KCNIP1: variants seen among roughly 807,000 people sequenced by gnomAD.
The protein encoded by KCNIP1 is A-type potassium channel modulatory protein KCNIP1.
A neutral mutation model predicts 33.0 loss-of-function variants in KCNIP1; 18 were observed. That is an observed-to-expected ratio of 0.55 (90% CI 0.38 to 0.81). KCNIP1 has a LOEUF of 0.81. KCNIP1 is among the 30% of genes least tolerant of loss of function. The pLI is 0.00. For missense variants in KCNIP1, 238 were observed against 271.6 expected (o/e 0.88, Z 0.87); for synonymous variants, 93 against 98.3 (o/e 0.95, Z 0.32).
At chr5:170,512,850 C>T (rs1754987837) in intron 1 of KCNIP1, among the ~76,000 whole-genome samples, 1 of 152,088 alleles carries the variant, frequency 6.6e-6, no homozygotes, top group African/African-American at 2.4e-5. Context: ...GAGATAGAGA[C>T]CATCCCGGCT....
chr5:170,608,885 G>A (rs907668316), intron 1 of KCNIP1, among the ~76,000 whole-genome samples: 1 of 152,176 alleles, frequency 6.6e-6, no homozygotes, highest in Non-Finnish European at 1.5e-5. Context: ...GCTAGAGGAA[G>A]AGTTAAAAGT....
Position 170,418,552 on chromosome 5 carries a change from A to C in KCNIP1, c.88+64588A>C, listed in dbSNP as rs568540462. 1.2e-4 allele frequency among the ~76,000 whole-genome samples: 19 copies of C among 152,230 alleles called. No homozygotes were observed. In the Middle Eastern group the frequency reaches 0.014, roughly 109 times the overall value. ...GTCTGTTATGTGTGACTTCTGGGTA[A>C]AGGTTCTTAAAATACAATTCAGATC... is the stretch of plus-strand genomic sequence containing the variant. On this transcript the variant is annotated intron_variant, in intron 1 of 7. Transcript: ENST00000377360.
intron 5 of KCNIP1, among the ~76,000 whole-genome samples, chr5:170,727,521 A>AAAACTTGGTG (rs1331946002): frequency 3.9e-5 from 6 of 152,260 alleles, no homozygotes; most frequent in African/African-American, 1.4e-4. Context: ...TGCCTAACCA[A>AAAACTTGGTG]TAGAAGACAC....
Position 170,353,947 on chromosome 5 carries a change from C to G in KCNIP1, c.71C>G (p.Thr24Ser), listed in dbSNP as rs1189495892. The G allele has an allele frequency of 3.1e-6, 5 of 1,614,070 alleles. No individual in the cohort carries two copies. The African/African-American group carries it at 5.3e-5, about 17-fold the overall frequency. ...GCCCAGACCATCTTTAAGCTCATCA[C>G]TGGGACCCTCAGCAAAGGTATGGAA... The change falls in exon 1 of 8, where the codon ACT becomes AGT. Residue 24 changes from threonine to serine, a missense_variant. Coordinates refer to the KCNIP1 transcript ENST00000377360.
At chr5:170,604,560 C>T (rs1003560583) in intron 1 of KCNIP1, among the ~76,000 whole-genome samples, 1 of 152,160 alleles carries the variant, frequency 6.6e-6, no homozygotes, top group Non-Finnish European at 1.5e-5. Context: ...AATGGCGAGG[C>T]TTTGTATGCA....
intron 1 of KCNIP1, among the ~76,000 whole-genome samples, chr5:170,529,306 T>C (rs762859196): frequency 2.0e-5 from 3 of 152,176 alleles, no homozygotes; most frequent in Non-Finnish European, 4.4e-5. Context: ...CAGCAACCTC[T>C]GTGGGAAAGA....
chr5:170,624,881 TTC>T (rs1205330176), intron 1 of KCNIP1, among the ~76,000 whole-genome samples: 1 of 152,156 alleles, frequency 6.6e-6, no homozygotes, highest in East Asian at 1.9e-4. Flanking sequence ...AGGCAGGGTC[TTC>T]TGTCTTAGCT....
At chr5:170,506,298 GT>G (rs1202301369) in intron 1 of KCNIP1, among the ~76,000 whole-genome samples, 1 of 152,130 alleles carries the variant, frequency 6.6e-6, no homozygotes, top group Non-Finnish European at 1.5e-5. Context: ...CTAAGCCTCA[GT>G]TTTTCATCCA....
intron 1 of KCNIP1, among the ~76,000 whole-genome samples, chr5:170,539,482 G>A (rs1756116927): frequency 6.6e-6 from 1 of 152,064 alleles, no homozygotes; most frequent in African/African-American, 2.4e-5. Context: ...CAATTTTTGG[G>A]CATCCGGATC....
At chr5:170,720,887 T>A (rs1763796881) in intron 3 of KCNIP1, among the ~76,000 whole-genome samples, 1 of 152,180 alleles carries the variant, frequency 6.6e-6, no homozygotes. Flanking sequence ...AAAAATAAAC[T>A]AATTGAAAAA....
chr5:170,406,397 T>A (rs1561609938), intron 1 of KCNIP1, among the ~76,000 whole-genome samples: 1 of 152,168 alleles, frequency 6.6e-6, no homozygotes. Flanking sequence ...CCATTATTGG[T>A]CGTGTAAATG....
chr5:170,390,517 AATAT>A (rs1554088940), intron 1 of KCNIP1, among the ~76,000 whole-genome samples: 19 of 74,524 alleles, frequency 2.5e-4, no homozygotes, highest in African/African-American at 7.7e-4. Context: ...AAAAAAAACA[AATAT>A]ATATATATAT....
chr5:170,673,566 T>C (rs1397695576), intron 1 of KCNIP1, among the ~76,000 whole-genome samples: 1 of 152,238 alleles, frequency 6.6e-6, no homozygotes, highest in Admixed American at 6.5e-5. Flanking sequence ...CTGTTCTAGC[T>C]GGTTTCAAAG....
chr5:170,409,537 C>G (rs974026703), intron 1 of KCNIP1, among the ~76,000 whole-genome samples: 2 of 152,184 alleles, frequency 1.3e-5, no homozygotes, highest in Non-Finnish European at 2.9e-5. Flanking sequence ...AGTAGTGACA[C>G]GCACAGGCTC....
intron 1 of KCNIP1, among the ~76,000 whole-genome samples, chr5:170,639,897 A>G (rs1760471067): frequency 6.6e-6 from 1 of 152,242 alleles, no homozygotes; most frequent in African/African-American, 2.4e-5. Flanking sequence ...TTTCACACAT[A>G]AAAGAAGGCA....
At chr5:170,424,190 G>A (rs1420837401) in intron 1 of KCNIP1, among the ~76,000 whole-genome samples, 5 of 152,176 alleles carry the variant, frequency 3.3e-5, no homozygotes, top group Admixed American at 2.0e-4. Flanking sequence ...ACCCAAGTGC[G>A]GGGTAGCAGG....
intron 1 of KCNIP1, among the ~76,000 whole-genome samples, chr5:170,663,921 C>T (rs1760083238): frequency 2.3e-5 from 2 of 85,614 alleles, no homozygotes; most frequent in Admixed American, 2.1e-4. Flanking sequence ...TTTCTATACT[C>T]TCCTCAATCC....
chr5:170,576,144 T>C (rs1483682389), intron 1 of KCNIP1, among the ~76,000 whole-genome samples: 5 of 152,210 alleles, frequency 3.3e-5, no homozygotes. Flanking sequence ...AGATGGCTTA[T>C]TCTCAGGGCT....
At chr5:170,387,158 A>C (rs1009642037) in intron 1 of KCNIP1, among the ~76,000 whole-genome samples, 2 of 152,208 alleles carry the variant, frequency 1.3e-5, no homozygotes, top group African/African-American at 4.8e-5. Flanking sequence ...GAAGCTATCA[A>C]TGTAATCCTC....
Sources: gnomAD v4.1 joint callset for allele counts (sites outside exome capture counted in the v4.1 genomes callset) on GRCh38, gnomAD v4.1.1 for gene constraint, MANE v1.5 for transcripts, NCBI Gene and HGNC (gene_info 2026-07-23, HGNC 2026-07-21) for gene names.